Variants in NTM observed in about 807,000 individuals in gnomAD.
NTM encodes IgLON family member 2.
Under a neutral mutation model 42.1 loss-of-function variants are expected in NTM, and 13 were observed. The ratio of observed to expected loss-of-function variants is 0.31; its 90% CI spans 0.20 to 0.49. NTM has a LOEUF of 0.49. Ranked by LOEUF, NTM falls within the 20% of genes least tolerant of loss-of-function variation. The probability of loss-of-function intolerance (pLI) is 0.99; values close to 1 mark genes in which losing one functional copy is unlikely to be tolerated. For missense variants in NTM, 373 were observed against 452.8 expected (o/e 0.82, Z 1.60); for synonymous variants, 187 against 179.2 (o/e 1.04, Z -0.35).
intron 4 of NTM, among the ~76,000 whole-genome samples, chr11:132,263,770 C>T (rs2093010842): frequency 6.6e-6 from 1 of 152,216 alleles, no homozygotes; most frequent in Non-Finnish European, 1.5e-5. Flanking sequence ...AACACTGGAA[C>T]GTGAACAATA....
chr11:132,183,557 G>A (rs2077914021), intron 3 of NTM, among the ~76,000 whole-genome samples: 1 of 151,982 alleles, frequency 6.6e-6, no homozygotes, highest in African/African-American at 2.4e-5. Flanking sequence ...GCAAAGGACT[G>A]TGCATGTCCC....
chr11:132,077,153 G>A (rs571071597), intron 2 of NTM, among the ~76,000 whole-genome samples: 43 of 152,332 alleles, frequency 2.8e-4, no homozygotes, highest in Non-Finnish European at 4.9e-4. Context: ...TGACACATGC[G>A]AAGGCACAGG....
At chr11:131,728,516 C>T (rs1389688771) in intron 1 of NTM, among the ~76,000 whole-genome samples, 1 of 152,176 alleles carries the variant, frequency 6.6e-6, no homozygotes, top group African/African-American at 2.4e-5. Context: ...TATCCAGAAG[C>T]TCTTTGAACC....
intron 1 of NTM, among the ~76,000 whole-genome samples, chr11:131,480,713 TGAGTAAGGG>T (rs1953481682): frequency 1.3e-5 from 2 of 151,172 alleles, no homozygotes; most frequent in Admixed American, 1.3e-4. Flanking sequence ...TAGCCATTCC[TGAGTAAGGG>T]GGCGTGGGAG....
chr11:131,786,914 T>C (rs2089332090), intron 1 of NTM, among the ~76,000 whole-genome samples: 2 of 152,360 alleles, frequency 1.3e-5, no homozygotes, highest in South Asian at 4.1e-4. Context: ...TTAATTATCA[T>C]GTGTTTTCTT....
intron 3 of NTM, among the ~76,000 whole-genome samples, chr11:132,168,577 AG>A (rs1277843907): frequency 2.6e-5 from 4 of 152,220 alleles, no homozygotes; most frequent in Non-Finnish European, 5.9e-5. Flanking sequence ...GTTTGAAAAC[AG>A]TGCAGCAGCC....
intron 1 of NTM, among the ~76,000 whole-genome samples, chr11:131,676,594 T>G (rs1337703194): frequency 6.6e-6 from 1 of 152,230 alleles, no homozygotes; most frequent in Non-Finnish European, 1.5e-5. Context: ...AATTCCATAT[T>G]TTCAGGAAGT....
At chr11:131,633,138 C>T (rs1276560357) in intron 1 of NTM, among the ~76,000 whole-genome samples, 1 of 152,156 alleles carries the variant, frequency 6.6e-6, no homozygotes, top group Non-Finnish European at 1.5e-5. Flanking sequence ...ATCTTAATGA[C>T]TGGGTTCTGA....
chr11:132,219,344 G>A (rs555873618), intron 4 of NTM, among the ~76,000 whole-genome samples: 36 of 152,136 alleles, frequency 2.4e-4, no homozygotes, highest in African/African-American at 4.1e-4. Context: ...GTCATGCCAG[G>A]GATCATGGCA....
At chr11:132,291,670 A>C (rs2094454775) in intron 4 of NTM, among the ~76,000 whole-genome samples, 1 of 152,216 alleles carries the variant, frequency 6.6e-6, no homozygotes. Context: ...GAAGCCAGGA[A>C]AGGAGATTTT....
intron 4 of NTM, among the ~76,000 whole-genome samples, chr11:132,262,817 T>C (rs925669173): frequency 6.6e-6 from 1 of 152,216 alleles, no homozygotes; most frequent in Non-Finnish European, 1.5e-5. Context: ...CTCAAAAGTC[T>C]TAACTCGCTC....
intron 1 of NTM, among the ~76,000 whole-genome samples, chr11:131,713,635 C>T (rs146141230): frequency 9.2e-5 from 14 of 152,106 alleles, no homozygotes; most frequent in Admixed American, 2.6e-4. Context: ...TATCATTTTT[C>T]CTCTGTATTT....
At chr11:132,080,268 T>C (rs1285260619) in intron 2 of NTM, among the ~76,000 whole-genome samples, 1 of 152,196 alleles carries the variant, frequency 6.6e-6, no homozygotes, top group African/African-American at 2.4e-5. Context: ...GTAGGACATC[T>C]TTTAATTTGC....
chr11:132,291,998 C>A (rs1411357775), intron 4 of NTM, among the ~76,000 whole-genome samples: 1 of 152,000 alleles, frequency 6.6e-6, no homozygotes, highest in Non-Finnish European at 1.5e-5. Context: ...GGCTGTGGAG[C>A]CTGGGGTCAG....
chr11:131,381,552 G>A (rs533771963), intron 1 of NTM, among the ~76,000 whole-genome samples: 19 of 151,530 alleles, frequency 1.3e-4, no homozygotes, highest in African/African-American at 3.1e-4. Flanking sequence ...TTTTTTTTCC[G>A]TTATTTTTTC....
At chr11:132,303,728 A>AAC (rs2094958026) in intron 4 of NTM, among the ~76,000 whole-genome samples, 1 of 149,100 alleles carries the variant, frequency 6.7e-6, no homozygotes, top group South Asian at 2.1e-4. Context: ...AAAAAAAAAA[A>AAC]AAACAATCTG....
At chr11:131,819,058 T>C (rs1287470403) in intron 1 of NTM, among the ~76,000 whole-genome samples, 1 of 152,190 alleles carries the variant, frequency 6.6e-6, no homozygotes, top group Non-Finnish European at 1.5e-5. Context: ...ACCTGCCCAA[T>C]GTTGCAAAGC....
chr11:131,507,652 T>C (rs2047660510), intron 1 of NTM, among the ~76,000 whole-genome samples: 2 of 148,632 alleles, frequency 1.3e-5, no homozygotes, highest in South Asian at 2.3e-4. Context: ...TTGGGCAGTA[T>C]GGCCATTTTC....
At chr11:131,979,216 TCAA>T (rs1189141287) in intron 2 of NTM, among the ~76,000 whole-genome samples, 1 of 152,206 alleles carries the variant, frequency 6.6e-6, no homozygotes, top group Non-Finnish European at 1.5e-5. Context: ...GGTTACCCAG[TCAA>T]ACTCTAGTAT....
Sources: allele counts gnomAD v4.1 joint callset (sites outside exome capture counted in the v4.1 genomes callset), GRCh38; gene constraint gnomAD v4.1.1; transcripts MANE v1.5; gene names NCBI Gene and HGNC (gene_info 2026-07-23, HGNC 2026-07-21).